The following CELSR1 variants were observed in gnomAD, a reference collection of about 807,000 sequenced individuals.
The protein encoded by CELSR1 is adhesion G protein-coupled receptor C1.
In CELSR1, 110 loss-of-function variants were observed where a neutral mutation model predicts 249.1. That is an observed-to-expected ratio of 0.44 (90% CI 0.38 to 0.52). The LOEUF (loss-of-function observed/expected upper bound fraction) is 0.52. Ranked by LOEUF, CELSR1 falls within the 20% of genes least tolerant of loss-of-function variation. CELSR1 has a pLI of 0.00. For synonymous variants in CELSR1, 2,113 were observed against 1,900.0 expected (o/e 1.11, Z -2.92); for missense variants, 4,109 against 4,296.4 (o/e 0.96, Z 1.22).
intron 24 of CELSR1, among the ~76,000 whole-genome samples, chr22:46,373,845 G>T (rs1417009237): frequency 2.0e-5 from 3 of 152,156 alleles, no homozygotes; most frequent in Non-Finnish European, 4.4e-5. Flanking sequence ...CCCTACCAGG[G>T]GGTCCCAGGG....
intron 5 of CELSR1, among the ~76,000 whole-genome samples, chr22:46,416,640 G>GA (rs970062108): frequency 1.3e-5 from 2 of 152,188 alleles, no homozygotes; most frequent in Admixed American, 6.5e-5. Flanking sequence ...AGCCACCTGA[G>GA]AAAAAACCTA....
At chr22:46,531,340 G>A (rs1368856566) in intron 1 of CELSR1, among the ~76,000 whole-genome samples, 1 of 151,970 alleles carries the variant, frequency 6.6e-6, no homozygotes, top group Non-Finnish European at 1.5e-5. Context: ...CGAGTAGCTG[G>A]GACTACAGGT....
intron 2 of CELSR1, among the ~76,000 whole-genome samples, chr22:46,450,608 C>T (rs907933648): frequency 4.6e-5 from 7 of 152,216 alleles, no homozygotes; most frequent in South Asian, 2.1e-4. Context: ...CCTGCATCTG[C>T]CTTAATGTCC....
At chr22:46,478,892 C>T (rs565312027) in intron 1 of CELSR1, among the ~76,000 whole-genome samples, 3 of 152,086 alleles carry the variant, frequency 2.0e-5, no homozygotes, top group Admixed American at 2.0e-4. Flanking sequence ...CGAGCCCAAC[C>T]CAGCCCTGCA....
In CELSR1 at chr22:46,366,394, G is replaced by A. The variant is rs1404967070; in HGVS notation, c.8292C>T (p.Ser2764=). The A allele has an allele frequency of 1.3e-6, 2 of 1,548,916 alleles. No homozygotes were observed. The highest frequency in any genetic ancestry group is 1.7e-6 in the Non-Finnish European group (2 of 1,146,082). Residue 2764 remains serine, a synonymous_variant, in exon 30 of 35, where the codon AGC becomes AGT. Transcript: ENST00000674500. ...DLGESTASLD[S]IVRDEGIQKL... is the part of the protein sequence containing the mutation. ...CGGAGCTGCGGCCTGACCTGACGAT[G>A]CTGTCCAGCGAGGCGGTGGACTCGC... is the stretch of plus-strand genomic sequence containing the variant.
In CELSR1 at chr22:46,518,187, G is replaced by A. The variant is rs1335853564; in HGVS notation, c.3544+15440C>T. 6.6e-6 allele frequency among the ~76,000 whole-genome samples: 1 copy of A among 152,202 alleles called. No homozygotes were observed. The highest frequency in any genetic ancestry group is 3.2e-3 in the Middle Eastern group (1 of 316). ...GACCTCCCAAAGTGCTGTGATTGCA[G>A]GCGTGAGCCACCACGCCTGGCCTCG... is the stretch of plus-strand genomic sequence containing the variant. On this transcript the variant is annotated intron_variant, in intron 1 of 34. Transcript: ENST00000674500. This position sits in a 1 kb window ranked among gnomAD's most constrained non-coding sequence, Gnocchi z 5.2.
chr22:46,521,069 A>T (rs973649669), intron 1 of CELSR1, among the ~76,000 whole-genome samples: 1 of 152,198 alleles, frequency 6.6e-6, no homozygotes. Flanking sequence ...GTCCTTTTTC[A>T]GGCTAAGTAG....
At position 46,488,683 on chromosome 22, in the gene CELSR1, G is replaced by A. The variant is rs1221801156; in HGVS notation, c.3545-24338C>T. Among the ~76,000 whole-genome samples, 2 of 149,566 alleles carry A rather than the reference G, an allele frequency of 1.3e-5. No individual in the cohort carries two copies. Among genetic ancestry groups the A allele is most frequent in the African/African-American group, 4.9e-5 (2 of 40,620 alleles). On this transcript the variant is annotated intron_variant, in intron 1 of 34. Coordinates refer to ENST00000674500, the MANE Select transcript of CELSR1 (RefSeq NM_001378328.1). This position sits in a 1 kb window ranked among gnomAD's most constrained non-coding sequence, Gnocchi z 4.7. ...CCCTGCCCTTTTTTTTTTTTGAGAC[G>A]GAGTCTTGCTCTGTCACCCAGGCTG...
At chr22:46,461,031 G>A (rs933219839) in intron 2 of CELSR1, among the ~76,000 whole-genome samples, 5 of 152,170 alleles carry the variant, frequency 3.3e-5, no homozygotes, top group African/African-American at 7.2e-5. Flanking sequence ...TTGCAACCGT[G>A]AGGCCCCCGA....
In CELSR1 at chr22:46,512,299, G is replaced by T. The variant is rs899170046; in HGVS notation, c.3544+21328C>A. The stretch of plus-strand genomic sequence containing the variant: ...TCAAGGTCCAATACTGGCCAGGTGC[G>T]GTGGCACATGCCTGTAATCCCAGCA... On this transcript the variant is annotated intron_variant, in intron 1 of 34. Transcript: ENST00000674500. The surrounding 1 kb of genome is among the most constrained non-coding windows in gnomAD (Gnocchi z 5.2). Among the ~76,000 whole-genome samples, 3 of 152,198 alleles carry T rather than the reference G, an allele frequency of 2.0e-5. No homozygotes were observed. The highest frequency in any genetic ancestry group is 7.2e-5 in the African/African-American group (3 of 41,446).
rs991922144 is a variant in CELSR1 at position 46,527,876 on chromosome 22, G to A, written c.3544+5751C>T. Among the ~76,000 whole-genome samples, 3 of 152,180 alleles carry A rather than the reference G, an allele frequency of 2.0e-5. No individual in the cohort carries two copies. Among genetic ancestry groups the A allele is most frequent in the African/African-American group, 7.2e-5 (3 of 41,510 alleles). On this transcript the variant is annotated intron_variant, in intron 1 of 34. Coordinates refer to ENST00000674500, the MANE Select transcript of CELSR1 (RefSeq NM_001378328.1). This position sits in a 1 kb window ranked among gnomAD's most constrained non-coding sequence, Gnocchi z 5.5. ...TTTGGGAGGCTGAGGCGGGCGGATA[G>A]CCTGAGGTCAGGAGTTGGAGACCAG... is the stretch of plus-strand genomic sequence containing the variant.
rs16995204 is a variant in CELSR1, at chr22:46,411,380, G to C, written c.4769+222C>G. Among the ~76,000 whole-genome samples, 3,311 of 152,270 alleles carry C rather than the reference G, an allele frequency of 0.022. 126 individuals carry two copies. The highest frequency in any genetic ancestry group is 0.075 in the African/African-American group (3,100 of 41,562). ...CTGCAAGCTGGCCATCACAACCCTG[G>C]GGTCGGCCTGGCCACTCTTGACACA... On this transcript the variant is annotated intron_variant, in intron 6 of 34. Coordinates refer to ENST00000674500, the MANE Select transcript of CELSR1 (RefSeq NM_001378328.1). This position sits in a 1 kb window ranked among gnomAD's most constrained non-coding sequence, Gnocchi z 4.2.
At chr22:46,365,833 GA>G (rs5845745) in intron 30 of CELSR1, 144 bp from the exon 31 acceptor site, 2,682 of 75,478 alleles carry the variant, frequency 0.036, 178 homozygotes, top group African/African-American at 0.056. Context: ...GTATGTGGGG[GA>G]AAGGTGGTGG....
Position 46,490,355 on chromosome 22 carries a change from T to C in CELSR1, c.3545-26010A>G, listed in dbSNP as rs376451139. Among the ~76,000 whole-genome samples, 9 of 152,124 alleles carry C rather than the reference T, an allele frequency of 5.9e-5. No homozygotes were observed. The highest frequency in any genetic ancestry group is 5.9e-4 in the Admixed American group (9 of 15,262). ...AGGCTGGAGTACAGCGGCGCAATCT[T>C]GGCTCACTCCAACCTCCGCCTCCCG... On this transcript the variant is annotated intron_variant, in intron 1 of 34. Transcript: ENST00000674500. The surrounding 1 kb of genome is among the most constrained non-coding windows in gnomAD (Gnocchi z 5.2).
At chr22:46,470,089 T>C (rs2080140701) in intron 1 of CELSR1, among the ~76,000 whole-genome samples, 1 of 133,278 alleles carries the variant, frequency 7.5e-6, no homozygotes, top group African/African-American at 2.8e-5. Flanking sequence ...CATTTTTTCA[T>C]GTGAGCTATT....
At chr22:46,489,787 C>T (rs962227670) in intron 1 of CELSR1, among the ~76,000 whole-genome samples, 3 of 151,652 alleles carry the variant, frequency 2.0e-5, no homozygotes, top group Non-Finnish European at 2.9e-5. Context: ...CCCAGCTACT[C>T]GGGAGGCTGA....
chr22:46,409,534 C>T lies in CELSR1; in HGVS notation c.5059+221G>A, dbSNP rs1386229015. On this transcript the variant is annotated intron_variant, in intron 8 of 34. Transcript: ENST00000674500. The surrounding 1 kb of genome is among the most constrained non-coding windows in gnomAD (Gnocchi z 9.8). ...CTGCCGGCCCAGCCTACCTGTCCCA[C>T]CCCACACCTGAGGGACTGGGGACCC... 6.6e-6 allele frequency among the ~76,000 whole-genome samples: 1 copy of T among 152,124 alleles called. No homozygotes were observed. The highest frequency in any genetic ancestry group is 1.5e-5 in the Non-Finnish European group (1 of 68,012).
At chr22:46,507,961 C>G (rs1479210871) in intron 1 of CELSR1, among the ~76,000 whole-genome samples, 2 of 152,222 alleles carry the variant, frequency 1.3e-5, no homozygotes, top group Admixed American at 1.3e-4. Flanking sequence ...TGGCTGTTCC[C>G]AGGCCGTAGG....
rs773925316 is a variant in CELSR1, at chr22:46,460,211, A to ACACACACACACCCC, written c.4183+3495_4183+3496insGGGGTGTGTGTGTG. Among the ~76,000 whole-genome samples the ACACACACACACCCC allele has an allele frequency of 1.1e-3, 163 of 148,974 alleles. 1 individual carries two copies. The highest frequency in any genetic ancestry group is 7.0e-3 in the Middle Eastern group (2 of 286). The stretch of plus-strand genomic sequence containing the variant: ...CACACACACACACACACACACACAC[A>ACACACACACACCCC]CACACCCATTAGCTACAGTCCCTGC... On this transcript the variant is annotated intron_variant, in intron 2 of 34. Transcript: ENST00000674500.
Sources: gnomAD v4.1 joint callset for allele counts (sites outside exome capture counted in the v4.1 genomes callset) on GRCh38, gnomAD v4.1.1 for gene constraint, Gnocchi (gnomAD v3.1) non-coding constraint, MANE v1.5 for transcripts, NCBI Gene and HGNC (gene_info 2026-07-23, HGNC 2026-07-21) for gene names.